ENAH: variants seen among roughly 807,000 people sequenced by gnomAD.
ENAH encodes the protein ENAH actin regulator.
A neutral mutation model predicts 78.7 loss-of-function variants in ENAH; 23 were observed. The observed-to-expected ratio is 0.29, with a 90% CI of 0.21 to 0.41. The LOEUF is 0.41. Ranked by LOEUF, ENAH falls within the 10% of genes least tolerant of loss-of-function variation. The pLI, the probability that ENAH is intolerant of heterozygous loss-of-function variation, is 1.00. For synonymous variants in ENAH, 226 were observed against 241.0 expected (o/e 0.94, Z 0.58); for missense variants, 544 against 691.0 (o/e 0.79, Z 2.39).
intron 3 of ENAH, among the ~76,000 whole-genome samples, chr1:225,544,746 TTAATA>T (rs571116749): frequency 2.3e-4 from 35 of 152,270 alleles, no homozygotes; most frequent in African/African-American, 8.4e-4. Flanking sequence ...GTCATAGAAG[TTAATA>T]TATTAAAATG....
intron 2 of ENAH, among the ~76,000 whole-genome samples, chr1:225,561,031 T>G (rs1045260135): frequency 2.0e-5 from 3 of 149,970 alleles, no homozygotes; most frequent in Admixed American, 1.3e-4. Flanking sequence ...GTCAGGAGAT[T>G]GAGACCATCC....
chr1:225,537,212 G>A (rs1442189150), intron 3 of ENAH, among the ~76,000 whole-genome samples: 5 of 152,078 alleles, frequency 3.3e-5, no homozygotes, highest in Admixed American at 3.3e-4. Context: ...CAAAGATACT[G>A]CCACATCCCA....
intron 1 of ENAH, among the ~76,000 whole-genome samples, chr1:225,605,999 A>T (rs2096953715): frequency 6.6e-6 from 1 of 152,202 alleles, no homozygotes; most frequent in Non-Finnish European, 1.5e-5. Context: ...TTACCTAAAA[A>T]TACTGAACAT....
rs33964064 is a variant in ENAH at position 225,495,456 on chromosome 1, G to GTTTTTTTTTTTTTTTTTT, written c.*2301_*2318dup. On this transcript the variant is annotated 3_prime_UTR_variant, in exon 14 of 14. Transcript: ENST00000366843. ...GGAAATATAGCATGATTCAACACTG[G>GTTTTTTTTTTTTTTTTTT]TTTTTTTTTTTTTTTTTTTTTGTCA... 2 of 110,762 alleles carry GTTTTTTTTTTTTTTTTTT rather than the reference G, an allele frequency of 1.8e-5. No individual in the cohort carries two copies. Among genetic ancestry groups the GTTTTTTTTTTTTTTTTTT allele is most frequent in the Non-Finnish European group, 3.5e-5 (2 of 57,462 alleles). The allele number at this position is 110,762 out of a possible 1,614,324, so 6.9% of individuals were successfully genotyped here.
chr1:225,517,603 A>AT, intron 5 of ENAH: 1 of 1,551,186 alleles, frequency 6.4e-7, no homozygotes, highest in Non-Finnish European at 8.7e-7. Flanking sequence ...GCTGCTAATC[A>AT]TTATTGGAGG....
intron 2 of ENAH, among the ~76,000 whole-genome samples, chr1:225,564,355 T>G (rs951237242): frequency 6.6e-6 from 1 of 151,962 alleles, no homozygotes; most frequent in East Asian, 1.9e-4. Flanking sequence ...AATGGCGCAA[T>G]CTCGGCTCAC....
chr1:225,560,739 TAAC>T (rs1397414451), intron 2 of ENAH, among the ~76,000 whole-genome samples: 7 of 152,190 alleles, frequency 4.6e-5, no homozygotes, highest in Non-Finnish European at 7.3e-5. Context: ...TACTAAATTT[TAAC>T]ATTATCAGAA....
At chr1:225,593,400 T>G (rs866210111) in intron 1 of ENAH, among the ~76,000 whole-genome samples, 42 of 20,454 alleles carry the variant, frequency 2.1e-3, no homozygotes, top group Non-Finnish European at 3.2e-3. Flanking sequence ...TGTGTGTGTG[T>G]GGGGGGGGGG....
intron 1 of ENAH, among the ~76,000 whole-genome samples, chr1:225,588,801 C>CAAAAAAAAAAA (rs55962047): frequency 2.5e-5 from 2 of 78,436 alleles, no homozygotes; most frequent in Non-Finnish European, 2.5e-5. Flanking sequence ...AAGTCTGTGT[C>CAAAAAAAAAAA]AAAAAAAAAA....
chr1:225,581,647 T>C (rs945705217), intron 1 of ENAH, among the ~76,000 whole-genome samples: 6 of 152,084 alleles, frequency 3.9e-5, no homozygotes, highest in African/African-American at 1.4e-4. Context: ...TGGCCAACTT[T>C]CCAAATGACC....
chr1:225,583,703 G>A (rs1397640265), intron 1 of ENAH, among the ~76,000 whole-genome samples: 1 of 151,762 alleles, frequency 6.6e-6, no homozygotes, highest in African/African-American at 2.4e-5. Context: ...AGCTACCTGG[G>A]AGGCTAAGTC....
chr1:225,622,123 T>C (rs1388813881), intron 1 of ENAH, among the ~76,000 whole-genome samples: 2 of 152,190 alleles, frequency 1.3e-5, no homozygotes, highest in African/African-American at 2.4e-5. Flanking sequence ...AAAGTGTCCA[T>C]GGTTATGTTC....
chr1:225,634,955 A>G (rs1056491786), intron 1 of ENAH, among the ~76,000 whole-genome samples: 1 of 152,216 alleles, frequency 6.6e-6, no homozygotes, highest in African/African-American at 2.4e-5. Flanking sequence ...CGCCATTGGG[A>G]TTTTGATAAG....
chr1:225,503,243 GGTAC>G (rs1167574143), intron 11 of ENAH, among the ~76,000 whole-genome samples: 1 of 151,944 alleles, frequency 6.6e-6, no homozygotes, highest in Non-Finnish European at 1.5e-5. Flanking sequence ...TATCCCAGGG[GGTAC>G]TATGTGTGAA....
rs760373984 is a variant in ENAH, at chr1:225,514,729, G to A, written c.1085C>T (p.Pro362Leu). Residue 362 changes from proline to leucine, a missense_variant, in exon 7 of 14, where the codon CCT (proline) becomes CTT (leucine). Pro to Leu is a moderately conservative substitution (Grantham distance 98). This residue lies in a region of ENAH where 366 missense variants were observed against 396.1 expected (regional missense o/e 0.92). Transcript: ENST00000366843. ...TGGGGCAGGAGGTGGTGGAGGAGGA[G>A]GGGGTACTTGATTAGGGAGAGGAGG... ...PPPPLPNQVP[P>L]PPPPPPAPPL... 2.0e-6 allele frequency: 3 copies of A among 1,526,980 alleles called. No homozygotes were observed. Among genetic ancestry groups the A allele is most frequent in the South Asian group, 1.1e-5 (1 of 87,766 alleles). The allele number at this position is 1,526,980 out of a possible 1,614,324, so 94.6% of individuals were successfully genotyped here. A position where few individuals can be genotyped will look rare whatever the true frequency, so the allele number is the denominator to read the frequency against.
chr1:225,555,513 C>G (rs1400217134), intron 2 of ENAH, among the ~76,000 whole-genome samples: 1 of 151,034 alleles, frequency 6.6e-6, no homozygotes, highest in Non-Finnish European at 1.5e-5. Flanking sequence ...ATCCAGGAGG[C>G]AGAGTTAGCA....
chr1:225,601,032 A>C (rs1558887280), intron 1 of ENAH, among the ~76,000 whole-genome samples: 1 of 152,210 alleles, frequency 6.6e-6, no homozygotes, highest in Non-Finnish European at 1.5e-5. Flanking sequence ...CATGAAGAAG[A>C]GGCTATATAG....
intron 3 of ENAH, among the ~76,000 whole-genome samples, chr1:225,543,419 T>C (rs2096598833): frequency 6.6e-6 from 1 of 152,256 alleles, no homozygotes; most frequent in African/African-American, 2.4e-5. Context: ...TCTTGAAATT[T>C]TCCAGAACAC....
At chr1:225,550,775 A>G (rs2151395096) in intron 3 of ENAH, among the ~76,000 whole-genome samples, 1 of 152,304 alleles carries the variant, frequency 6.6e-6, no homozygotes, top group East Asian at 1.9e-4. Context: ...GTAGTCTTTT[A>G]GATAATGGTA....
Sources: allele counts gnomAD v4.1 joint callset (sites outside exome capture counted in the v4.1 genomes callset), GRCh38; gene constraint gnomAD v4.1.1; regional missense constraint gnomAD v4.1.1; transcripts MANE v1.5; gene names NCBI Gene and HGNC (gene_info 2026-07-23, HGNC 2026-07-21).